ADAMTSL1: variants seen among roughly 807,000 people sequenced by gnomAD.
The protein encoded by ADAMTSL1 is ADAMTS-like protein 1.
A neutral mutation model predicts 201.8 loss-of-function variants in ADAMTSL1; 126 were observed. The observed-to-expected ratio is 0.62, with a 90% CI of 0.54 to 0.72. The LOEUF (loss-of-function observed/expected upper bound fraction) is 0.72, where lower values mean the gene tolerates loss of function less well. ADAMTSL1 is among the 30% of genes least tolerant of loss of function. The pLI, the probability that ADAMTSL1 is intolerant of heterozygous loss-of-function variation, is 0.00. For synonymous variants in ADAMTSL1, 1,121 were observed against 903.4 expected (o/e 1.24, Z -4.32); for missense variants, 2,679 against 2,277.8 (o/e 1.18, Z -3.59).
intron 2 of ADAMTSL1, among the ~76,000 whole-genome samples, chr9:18,272,365 C>T (rs1832407662): frequency 6.6e-6 from 1 of 152,122 alleles, no homozygotes. Context: ...GAAAGGATTC[C>T]CTATTCAACA....
chr9:18,070,417 T>A (rs144904813), intron 1 of ADAMTSL1, among the ~76,000 whole-genome samples: 2 of 152,296 alleles, frequency 1.3e-5, no homozygotes, highest in East Asian at 3.9e-4. Flanking sequence ...TAGACTCTTA[T>A]ACAGTTTTTC....
chr9:17,947,332 C>CACAT (rs1028833389), intron 1 of ADAMTSL1, among the ~76,000 whole-genome samples: 5 of 146,062 alleles, frequency 3.4e-5, no homozygotes, highest in African/African-American at 1.3e-4. Flanking sequence ...CACACACACA[C>CACAT]ACACACACAC....
chr9:18,303,285 T>C (rs1005533942), intron 2 of ADAMTSL1, among the ~76,000 whole-genome samples: 1 of 152,192 alleles, frequency 6.6e-6, no homozygotes, highest in Non-Finnish European at 1.5e-5. Flanking sequence ...CTGCCTCAAG[T>C]TGGATTGCCT....
chr9:18,409,085 C>T (rs1818321598), intron 2 of ADAMTSL1, among the ~76,000 whole-genome samples: 1 of 151,720 alleles, frequency 6.6e-6, no homozygotes, highest in Non-Finnish European at 1.5e-5. Flanking sequence ...TTTTTCAAAT[C>T]GGAAGACTGA....
intron 1 of ADAMTSL1, among the ~76,000 whole-genome samples, chr9:18,045,705 A>G (rs1201390034): frequency 1.3e-5 from 2 of 151,678 alleles, no homozygotes; most frequent in Admixed American, 6.6e-5. Context: ...CATCATTTCC[A>G]TGGATCAGGC....
At chr9:18,303,670 G>A (rs897178279) in intron 2 of ADAMTSL1, among the ~76,000 whole-genome samples, 19 of 152,118 alleles carry the variant, frequency 1.2e-4, no homozygotes, top group African/African-American at 1.9e-4. Flanking sequence ...GAGAGAGCGC[G>A]GAAAGGCAGG....
At chr9:18,572,249 T>C (rs1822372280) in intron 3 of ADAMTSL1, among the ~76,000 whole-genome samples, 1 of 152,176 alleles carries the variant, frequency 6.6e-6, no homozygotes, top group South Asian at 2.1e-4. Context: ...TGACACAATT[T>C]ACCTGTGTTG....
chr9:18,393,264 AGCAT>A (rs1248380409), intron 2 of ADAMTSL1, among the ~76,000 whole-genome samples: 1 of 152,184 alleles, frequency 6.6e-6, no homozygotes, highest in Non-Finnish European at 1.5e-5. Context: ...TTATAATTTG[AGCAT>A]TAAGAAGTAC....
At chr9:18,639,667 C>T (rs1191245139) in intron 7 of ADAMTSL1, among the ~76,000 whole-genome samples, 1 of 152,048 alleles carries the variant, frequency 6.6e-6, no homozygotes, top group Non-Finnish European at 1.5e-5. Context: ...AATAACCCCA[C>T]CTAAGAGGCC....
At chr9:17,940,983 C>A (rs1827218892) in intron 1 of ADAMTSL1, among the ~76,000 whole-genome samples, 1 of 152,010 alleles carries the variant, frequency 6.6e-6, no homozygotes, top group African/African-American at 2.4e-5. Flanking sequence ...ACAAATTTTT[C>A]CATGAACATC....
chr9:18,883,666 C>T (rs1828682935), intron 23 of ADAMTSL1, among the ~76,000 whole-genome samples: 1 of 152,156 alleles, frequency 6.6e-6, no homozygotes, highest in African/African-American at 2.4e-5. Flanking sequence ...TGGAATCATA[C>T]AATATTTGTC....
chr9:18,826,612 G>A (rs10963786), intron 22 of ADAMTSL1, 149 bp downstream of exon 22: 67,980 of 974,668 alleles, frequency 0.07, 3,488 homozygotes, highest in East Asian at 0.26. Context: ...AGGGCCTTTC[G>A]ATAGAACACA....
At chr9:18,057,604 A>C (rs1822254385) in intron 1 of ADAMTSL1, among the ~76,000 whole-genome samples, 1 of 152,168 alleles carries the variant, frequency 6.6e-6, no homozygotes, top group African/African-American at 2.4e-5. Flanking sequence ...TTTTAAAATG[A>C]AAATCTGACT....
intron 2 of ADAMTSL1, among the ~76,000 whole-genome samples, chr9:18,413,759 A>C (rs1178958676): frequency 1.3e-5 from 2 of 152,160 alleles, no homozygotes; most frequent in African/African-American, 4.8e-5. Context: ...TTGGTTGTAA[A>C]GTCTCTTTCC....
chr9:18,476,310 A>G (rs1267367835), intron 1 of ADAMTSL1, among the ~76,000 whole-genome samples: 2 of 152,194 alleles, frequency 1.3e-5, no homozygotes, highest in African/African-American at 2.4e-5. Context: ...AGGCAATGAA[A>G]TAAGCTTGCA....
chr9:18,399,310 TATATATATATATATATATAA>T (rs1563934731), intron 2 of ADAMTSL1, among the ~76,000 whole-genome samples: 2 of 114,778 alleles, frequency 1.7e-5, no homozygotes, highest in African/African-American at 3.4e-5. Context: ...TATATATATA[TATATATATATATATATATAA>T]AATTATTATT....
At chr9:18,403,555 C>T (rs1265068478) in intron 2 of ADAMTSL1, among the ~76,000 whole-genome samples, 1 of 152,126 alleles carries the variant, frequency 6.6e-6, no homozygotes, top group Non-Finnish European at 1.5e-5. Context: ...TCAATAGTTC[C>T]TAATACAGAG....
intron 2 of ADAMTSL1, among the ~76,000 whole-genome samples, chr9:18,371,593 G>T (rs1837045190): frequency 6.6e-6 from 1 of 152,098 alleles, no homozygotes; most frequent in Non-Finnish European, 1.5e-5. Flanking sequence ...AACATATATT[G>T]TTAAACACAA....
intron 1 of ADAMTSL1, among the ~76,000 whole-genome samples, chr9:18,479,461 A>G (rs1272138188): frequency 3.9e-5 from 6 of 152,224 alleles, no homozygotes. Flanking sequence ...ATTAGGAGAA[A>G]TACCATAATT....
Sources: allele counts gnomAD v4.1 joint callset (sites outside exome capture counted in the v4.1 genomes callset), GRCh38; gene constraint gnomAD v4.1.1; transcripts MANE v1.5; gene names NCBI Gene and HGNC (gene_info 2026-07-23, HGNC 2026-07-21).